The following PTK2B variants were observed in gnomAD, a reference collection of about 807,000 sequenced individuals.
The protein encoded by PTK2B is protein-tyrosine kinase 2-beta.
A neutral mutation model predicts 142.9 loss-of-function variants in PTK2B; 71 were observed. The ratio of observed to expected loss-of-function variants is 0.50; its 90% CI spans 0.41 to 0.61. The LOEUF is 0.61. PTK2B is among the 20% of genes least tolerant of loss of function. The probability of loss-of-function intolerance (pLI) is 0.00; values close to 1 mark genes in which losing one functional copy is unlikely to be tolerated. For missense variants in PTK2B, 1,105 were observed against 1,320.4 expected (o/e 0.84, Z 2.53); for synonymous variants, 519 against 503.4 (o/e 1.03, Z -0.42).
chr8:27,384,213 C>A (rs568428177), intron 1 of PTK2B, among the ~76,000 whole-genome samples: 2 of 152,228 alleles, frequency 1.3e-5, no homozygotes, highest in South Asian at 4.2e-4. Context: ...GCAGGCTGGT[C>A]TCAAACTCCT....
chr8:27,349,241 T>C (rs958387778), intron 1 of PTK2B, among the ~76,000 whole-genome samples: 98 of 152,204 alleles, frequency 6.4e-4, no homozygotes, highest in African/African-American at 2.3e-3. Context: ...CAGATCCCTT[T>C]TTCTGTTTGT....
chr8:27,453,104 T>C lies in PTK2B; in HGVS notation c.2549-10T>C, dbSNP rs1244421020. ...GAACTGCCCCCCACTTGCTGTTCTT[T>C]TTATTGCAGTGGAGTTCACAGGGCC... On this transcript the variant is annotated splice_polypyrimidine_tract_variant and intron_variant, in intron 27 of 30. Coordinates refer to ENST00000346049, the MANE Select transcript of PTK2B (RefSeq NM_173176.3). 3 of 1,613,930 alleles carry C rather than the reference T, an allele frequency of 1.9e-6. No individual in the cohort carries two copies. The highest frequency in any genetic ancestry group is 4.5e-5 in the East Asian group (2 of 44,882).
At chr8:27,432,171 T>A in intron 9 of PTK2B, 89 bp from the exon 10 acceptor site, 1 of 1,145,586 alleles carries the variant, frequency 8.7e-7, no homozygotes, top group Non-Finnish European at 1.3e-6. Flanking sequence ...TCCCAGTTCC[T>A]CCTCACCCCG....
intron 5 of PTK2B, among the ~76,000 whole-genome samples, chr8:27,428,362 C>G (rs1175627558): frequency 6.6e-6 from 1 of 152,224 alleles, no homozygotes; most frequent in Admixed American, 6.5e-5. Context: ...CTTTGCTACA[C>G]CTGAATATCA....
intron 18 of PTK2B, among the ~76,000 whole-genome samples, chr8:27,438,342 G>C (rs1000841334): frequency 3.7e-5 from 5 of 136,788 alleles, no homozygotes; most frequent in Non-Finnish European, 8.0e-5. Flanking sequence ...CCCTGTGGCT[G>C]TGGAGTTGGC....
intron 1 of PTK2B, among the ~76,000 whole-genome samples, chr8:27,354,808 C>T (rs964638231): frequency 6.6e-6 from 1 of 152,198 alleles, no homozygotes; most frequent in African/African-American, 2.4e-5. Flanking sequence ...ATCTCACCAA[C>T]CAATTTGTGT....
At chr8:27,418,352 G>A (rs1172060159) in intron 2 of PTK2B, among the ~76,000 whole-genome samples, 1 of 152,154 alleles carries the variant, frequency 6.6e-6, no homozygotes, top group Non-Finnish European at 1.5e-5. Flanking sequence ...CTAAATATTA[G>A]CATGACATTT....
intron 23 of PTK2B, 89 bp from the exon 24 acceptor site, chr8:27,445,703 CAT>C (rs1811426870): frequency 6.4e-7 from 1 of 1,560,126 alleles, no homozygotes; most frequent in Non-Finnish European, 8.7e-7. Flanking sequence ...GGTGCTCATG[CAT>C]AGTTTCTTTG....
chr8:27,448,982 C>T (rs979454126), intron 24 of PTK2B, among the ~76,000 whole-genome samples: 1 of 152,102 alleles, frequency 6.6e-6, no homozygotes, highest in Non-Finnish European at 1.5e-5. Context: ...AGTTATTTTC[C>T]CTCTGAGAGG....
In PTK2B at chr8:27,458,786, C is replaced by A. The variant is rs779337888; in HGVS notation, c.*277C>A. The stretch of plus-strand genomic sequence containing the variant: ...GCCTGGCCACTGCTCCCTAAGCCAG[C>A]CTGGTCCATGCAGGGGGCTCCTGGG... On this transcript the variant is annotated 3_prime_UTR_variant, in exon 31 of 31. Transcript: ENST00000346049. 3.8e-6 allele frequency: 2 copies of A among 528,106 alleles called. No individual in the cohort carries two copies. The highest frequency in any genetic ancestry group is 6.9e-6 in the Non-Finnish European group (2 of 290,696). 32.7% of individuals were successfully genotyped at this position (528,106 alleles called of 1,614,324 possible).
At chr8:27,390,283 A>C (rs1016536382) in intron 1 of PTK2B, among the ~76,000 whole-genome samples, 5 of 152,100 alleles carry the variant, frequency 3.3e-5, no homozygotes, top group African/African-American at 1.2e-4. Context: ...TGGAGGTAGA[A>C]GGGGCTGCCA....
At position 27,363,997 on chromosome 8, in the gene PTK2B, C is replaced by G. The variant is rs1467373105; in HGVS notation, c.-37-33551C>G. 6.6e-6 allele frequency among the ~76,000 whole-genome samples: 1 copy of G among 152,184 alleles called. No individual in the cohort carries two copies. The highest frequency in any genetic ancestry group is 1.5e-5 in the Non-Finnish European group (1 of 68,024). ...CCCAAGTTAAGAGCCTGTGTATCAG[C>G]TGAGTCCCAGGGCCTGGGGCTCTCC... is the stretch of plus-strand genomic sequence containing the variant. On this transcript the variant is annotated intron_variant, in intron 1 of 30. Coordinates refer to ENST00000346049, the MANE Select transcript of PTK2B (RefSeq NM_173176.3). This position sits in a 1 kb window ranked among gnomAD's most constrained non-coding sequence, Gnocchi z 4.3.
At chr8:27,440,521 C>G in intron 21 of PTK2B, 80 bp downstream of exon 21, 1 of 1,484,000 alleles carries the variant, frequency 6.7e-7, no homozygotes, top group Admixed American at 1.7e-5. Context: ...GAGAGGTTTG[C>G]ACCACATCTC....
intron 2 of PTK2B, among the ~76,000 whole-genome samples, chr8:27,401,003 G>A (rs1406300393): frequency 6.6e-6 from 1 of 150,498 alleles, no homozygotes; most frequent in African/African-American, 2.4e-5. Flanking sequence ...GCTGGGTATG[G>A]TGGTGTGCAC....
intron 2 of PTK2B, among the ~76,000 whole-genome samples, chr8:27,409,944 A>T (rs1400587725): frequency 6.6e-6 from 1 of 151,600 alleles, no homozygotes; most frequent in Non-Finnish European, 1.5e-5. Flanking sequence ...CTAGTCTCGA[A>T]CTCCTGACCT....
At chr8:27,433,188 C>T (rs943684180) in intron 10 of PTK2B, among the ~76,000 whole-genome samples, 7 of 152,224 alleles carry the variant, frequency 4.6e-5, no homozygotes, top group African/African-American at 1.4e-4. Flanking sequence ...TACCAGGCAT[C>T]GTGCTATGTG....
chr8:27,361,757 T>G (rs1805719816), intron 1 of PTK2B, among the ~76,000 whole-genome samples: 1 of 152,132 alleles, frequency 6.6e-6, no homozygotes, highest in Non-Finnish European at 1.5e-5. Flanking sequence ...TGCCTGCTTT[T>G]CTGGTGCTCT....
intron 2 of PTK2B, among the ~76,000 whole-genome samples, chr8:27,400,546 G>A (rs1808314432): frequency 6.6e-6 from 1 of 152,186 alleles, no homozygotes; most frequent in South Asian, 2.1e-4. Context: ...AGAGAATGGT[G>A]TTGGGAATAG....
intron 2 of PTK2B, among the ~76,000 whole-genome samples, chr8:27,410,454 C>T (rs1031458142): frequency 6.6e-5 from 10 of 152,206 alleles, no homozygotes; most frequent in Non-Finnish European, 1.5e-4. Context: ...AAGGTGTGAC[C>T]TTAGGCAAGG....
Sources: allele counts gnomAD v4.1 joint callset (sites outside exome capture counted in the v4.1 genomes callset), GRCh38; gene constraint gnomAD v4.1.1; non-coding constraint Gnocchi (gnomAD v3.1); transcripts MANE v1.5; gene names NCBI Gene and HGNC (gene_info 2026-07-23, HGNC 2026-07-21).